Variants in PCDH7 observed in about 807,000 individuals in gnomAD.
PCDH7 encodes protocadherin-7.
In PCDH7, 17 loss-of-function variants were observed where a neutral mutation model predicts 58.9. That is an observed-to-expected ratio of 0.29 (90% CI 0.20 to 0.43). PCDH7 has a LOEUF of 0.43. Among genes scored for constraint, PCDH7 ranks in the 20% least tolerant of loss-of-function variants. The probability of loss-of-function intolerance (pLI) is 1.00; values close to 1 mark genes in which losing one functional copy is unlikely to be tolerated. For synonymous variants in PCDH7, 664 were observed against 616.4 expected (o/e 1.08, Z -1.14); for missense variants, 1,274 against 1,441.0 (o/e 0.88, Z 1.88).
chr4:30,764,392 G>A (rs1720426407), intron 1 of PCDH7, among the ~76,000 whole-genome samples: 2 of 152,116 alleles, frequency 1.3e-5, no homozygotes, highest in Non-Finnish European at 2.9e-5. Flanking sequence ...GCATCAACGA[G>A]CCATCCTTGT....
chr4:30,789,433 T>G (rs140856345), intron 1 of PCDH7, among the ~76,000 whole-genome samples: 1 of 152,174 alleles, frequency 6.6e-6, no homozygotes, highest in Non-Finnish European at 1.5e-5. Context: ...ACTCTCTGCT[T>G]TAGAAGAAGC....
intron 1 of PCDH7, among the ~76,000 whole-genome samples, chr4:30,798,331 A>G (rs1725062188): frequency 6.6e-6 from 1 of 152,144 alleles, no homozygotes; most frequent in Non-Finnish European, 1.5e-5. Flanking sequence ...AACCCTAAAT[A>G]TATCTGGGTT....
intron 1 of PCDH7, among the ~76,000 whole-genome samples, chr4:30,726,177 A>G (rs1289091140): frequency 2.0e-5 from 3 of 152,156 alleles, no homozygotes; most frequent in East Asian, 3.9e-4. Context: ...AACAAGGAAG[A>G]TTCTAGCTAA....
intron 2 of PCDH7, among the ~76,000 whole-genome samples, chr4:30,949,519 C>T (rs1747113262): frequency 6.6e-6 from 1 of 151,976 alleles, no homozygotes; most frequent in South Asian, 2.1e-4. Context: ...AAACCATGTC[C>T]ACAAAAATAT....
intron 2 of PCDH7, among the ~76,000 whole-genome samples, chr4:30,942,026 A>G (rs1746099838): frequency 6.6e-6 from 1 of 151,908 alleles, no homozygotes; most frequent in Non-Finnish European, 1.5e-5. Context: ...TTATTTATTT[A>G]ATATCCTACC....
rs1727569778 is a variant in PCDH7, at chr4:30,815,584, C to T, written c.70+90988C>T. On this transcript the variant is annotated intron_variant, in intron 1 of 3. Coordinates refer to the PCDH7 transcript ENST00000509759. The stretch of plus-strand genomic sequence containing the variant: ...GCCTGCCAGCTTTGGGGAGAGGACG[C>T]ATGCGCGGTGTGTTTACTGACGTTG... Among the ~76,000 whole-genome samples, 3 of 152,194 alleles carry T rather than the reference C, an allele frequency of 2.0e-5. No homozygotes were observed. The South Asian group carries it at 6.2e-4, about 31-fold the overall frequency.
chr4:31,021,697 T>C (rs1470717539), intron 3 of PCDH7, among the ~76,000 whole-genome samples: 1 of 152,020 alleles, frequency 6.6e-6, no homozygotes, highest in Non-Finnish European at 1.5e-5. Context: ...CAATACTTTT[T>C]TTAATGGGTC....
intron 3 of PCDH7, among the ~76,000 whole-genome samples, chr4:31,036,712 A>G (rs1279648852): frequency 2.0e-5 from 3 of 152,198 alleles, no homozygotes; most frequent in Admixed American, 6.5e-5. Flanking sequence ...TTGTAACTCT[A>G]AAGTCAGTAC....
chr4:31,125,183 A>C (rs377234604), intron 3 of PCDH7, among the ~76,000 whole-genome samples: 2 of 152,148 alleles, frequency 1.3e-5, no homozygotes, highest in East Asian at 3.9e-4. Context: ...ATCTCATTCA[A>C]GGACCAACTG....
intron 1 of PCDH7, among the ~76,000 whole-genome samples, chr4:30,900,567 T>C (rs535141437): frequency 5.9e-5 from 9 of 152,286 alleles, no homozygotes; most frequent in African/African-American, 2.2e-4. Flanking sequence ...TCAATACTCT[T>C]CTTATCATCA....
intron 3 of PCDH7, among the ~76,000 whole-genome samples, chr4:30,978,462 C>T (rs1750266658): frequency 6.6e-6 from 1 of 152,036 alleles, no homozygotes; most frequent in Non-Finnish European, 1.5e-5. Flanking sequence ...AGAAAGTAAA[C>T]ATGCTTTTTT....
Position 30,723,999 on chromosome 4 carries a change from C to G in PCDH7, c.2577C>G (p.Ile859Met), listed in dbSNP as rs1454471086. ...CCCAGATAGCTAGAAGTTTGCACAT[C>G]CCACTCACCCAGGATATAGCTGGTG... Residue 859 changes from isoleucine to methionine, a missense_variant, in exon 1 of 2, where the codon ATC becomes ATG. By Grantham distance (10) the Ile-to-Met change is conservative (BLOSUM62 1). This residue lies in a region of PCDH7 where 731 missense variants were observed against 881.9 expected (regional missense o/e 0.83). Coordinates refer to ENST00000361762, the Ensembl canonical transcript of PCDH7. The surrounding 1 kb of genome is among the most constrained non-coding windows in gnomAD (Gnocchi z 4.6). 1 of 1,614,118 alleles carries G rather than the reference C, an allele frequency of 6.2e-7. No homozygotes were observed. Among genetic ancestry groups the G allele is most frequent in the South Asian group, 1.1e-5 (1 of 91,076 alleles).
At chr4:30,796,819 C>T (rs1055942440) in intron 1 of PCDH7, among the ~76,000 whole-genome samples, 7 of 152,174 alleles carry the variant, frequency 4.6e-5, no homozygotes, top group African/African-American at 1.7e-4. Flanking sequence ...AAGGCTTTTA[C>T]GTGCTTTGCA....
At chr4:31,091,560 T>C (rs905105234) in intron 3 of PCDH7, among the ~76,000 whole-genome samples, 1 of 151,890 alleles carries the variant, frequency 6.6e-6, no homozygotes, top group Non-Finnish European at 1.5e-5. Flanking sequence ...CTTTTATTAA[T>C]CAATAATTGG....
chr4:31,013,247 C>A (rs576248572), intron 3 of PCDH7, among the ~76,000 whole-genome samples: 2 of 150,150 alleles, frequency 1.3e-5, no homozygotes, highest in African/African-American at 4.9e-5. Context: ...TATGGATGCA[C>A]ACATGGAAGT....
At chr4:30,913,481 G>T (rs1420985992) in intron 1 of PCDH7, among the ~76,000 whole-genome samples, 2 of 152,106 alleles carry the variant, frequency 1.3e-5, no homozygotes, top group East Asian at 3.9e-4. Flanking sequence ...TCTCTGTGTG[G>T]AGAGCGGGAT....
intron 2 of PCDH7, among the ~76,000 whole-genome samples, chr4:30,940,807 A>G (rs1413391065): frequency 6.6e-6 from 1 of 152,040 alleles, no homozygotes; most frequent in Admixed American, 6.6e-5. Context: ...GAAATCAGCA[A>G]TTTTGTAGAA....
intron 1 of PCDH7, among the ~76,000 whole-genome samples, chr4:30,830,406 C>A (rs1203725519): frequency 7.2e-6 from 1 of 137,944 alleles, no homozygotes; most frequent in Non-Finnish European, 1.5e-5. Context: ...GTACATCCTG[C>A]TGATGATGGA....
chr4:31,036,129 A>C (rs1179841210), intron 3 of PCDH7, among the ~76,000 whole-genome samples: 1 of 152,182 alleles, frequency 6.6e-6, no homozygotes, highest in African/African-American at 2.4e-5. Flanking sequence ...CTTAATCTGT[A>C]CTTTGCTAAG....
Sources: gnomAD v4.1 joint callset for allele counts (sites outside exome capture counted in the v4.1 genomes callset) on GRCh38, gnomAD v4.1.1 for gene constraint, gnomAD v4.1.1 regional missense constraint, Gnocchi (gnomAD v3.1) non-coding constraint, MANE v1.5 for transcripts, NCBI Gene and HGNC (gene_info 2026-07-23, HGNC 2026-07-21) for gene names.